The following PLXNA4 variants were observed in gnomAD, a reference collection of about 807,000 sequenced individuals.
PLXNA4 encodes the protein plexin A4.
In PLXNA4, 44 loss-of-function variants were observed where a neutral mutation model predicts 191.8. The ratio of observed to expected loss-of-function variants is 0.23; its 90% CI spans 0.18 to 0.29. The LOEUF (loss-of-function observed/expected upper bound fraction) is 0.29. Among genes scored for constraint, PLXNA4 ranks in the 10% least tolerant of loss-of-function variants. The pLI, the probability that PLXNA4 is intolerant of heterozygous loss-of-function variation, is 1.00. For missense variants in PLXNA4, 1,800 were observed against 2,488.8 expected (o/e 0.72, Z 5.89); for synonymous variants, 1,082 against 1,009.5 (o/e 1.07, Z -1.36).
chr7:132,454,751 C>A (rs1303733131), intron 3 of PLXNA4, among the ~76,000 whole-genome samples: 1 of 151,742 alleles, frequency 6.6e-6, no homozygotes, highest in East Asian at 2.0e-4. Context: ...GAGGAAAGGC[C>A]ATGTGAAGAC....
intron 3 of PLXNA4, among the ~76,000 whole-genome samples, chr7:132,374,417 C>T (rs571280009): frequency 6.6e-6 from 1 of 152,282 alleles, no homozygotes; most frequent in East Asian, 1.9e-4. Flanking sequence ...GGCTCCTTCA[C>T]AAAACAAGCA....
intron 16 of PLXNA4, among the ~76,000 whole-genome samples, chr7:132,183,668 C>A (rs893599376): frequency 7.9e-5 from 12 of 152,204 alleles, no homozygotes; most frequent in East Asian, 1.9e-4. Flanking sequence ...CTTCCTGGGG[C>A]CAAATCCTGG....
At chr7:132,539,010 A>C (rs2116489102) in intron 1 of PLXNA4, among the ~76,000 whole-genome samples, 1 of 152,292 alleles carries the variant, frequency 6.6e-6, no homozygotes, top group Non-Finnish European at 1.5e-5. Context: ...CACATCTTCT[A>C]TGACTTTTTA....
At chr7:132,268,809 A>C (rs994032135) in intron 4 of PLXNA4, among the ~76,000 whole-genome samples, 1 of 152,168 alleles carries the variant, frequency 6.6e-6, no homozygotes, top group African/African-American at 2.4e-5. Flanking sequence ...TGGCATGTCA[A>C]CTGCTGGCCT....
chr7:132,563,203 C>T lies in PLXNA4; in HGVS notation c.-87+13219G>A, dbSNP rs1279508369. ...CTTCTCCTTCCTCCTCCTCCTCTTC[C>T]TCCTCCTCCTCCTCCTTCTCCTCCT... On this transcript the variant is annotated intron_variant, in intron 1 of 31. Coordinates refer to ENST00000321063, the MANE Select transcript of PLXNA4 (RefSeq NM_020911.2). Among the ~76,000 whole-genome samples, 3 of 93,460 alleles carry T rather than the reference C, an allele frequency of 3.2e-5. 1 individual carries two copies. The highest frequency in any genetic ancestry group is 7.3e-4 in the East Asian group (2 of 2,722). The allele number at this position is 93,460 out of a possible 152,430, so 61.3% of individuals were successfully genotyped here. A position where few individuals can be genotyped will look rare whatever the true frequency, so the allele number is the denominator to read the frequency against.
At chr7:132,306,264 G>A (rs1801518704) in intron 3 of PLXNA4, among the ~76,000 whole-genome samples, 1 of 152,198 alleles carries the variant, frequency 6.6e-6, no homozygotes. Flanking sequence ...GTTTGCAAAA[G>A]GGAGACTTCA....
chr7:132,382,626 T>TA (rs1804942618), intron 3 of PLXNA4, among the ~76,000 whole-genome samples: 1 of 152,212 alleles, frequency 6.6e-6, no homozygotes, highest in Non-Finnish European at 1.5e-5. Context: ...ATCAGCTCGT[T>TA]AATAACAGAG....
chr7:132,521,177 T>TAAAAAAAAAAAAAAAAAAAAAAAAAAAAA, intron 1 of PLXNA4, among the ~76,000 whole-genome samples: 1 of 115,660 alleles, frequency 8.6e-6, no homozygotes, highest in Non-Finnish European at 1.8e-5. Flanking sequence ...ATTTGCTCCT[T>TAAAAAAAAAAAAAAAAAAAAAAAAAAAAA]GAAAAAAAAA....
chr7:132,176,710 G>A (rs906635192), intron 20 of PLXNA4, among the ~76,000 whole-genome samples: 2 of 150,998 alleles, frequency 1.3e-5, no homozygotes, highest in Non-Finnish European at 2.9e-5. Flanking sequence ...GGATGTGAAT[G>A]AATGTATGTC....
At chr7:132,469,538 A>G (rs1411703498) in intron 3 of PLXNA4, among the ~76,000 whole-genome samples, 2 of 152,188 alleles carry the variant, frequency 1.3e-5, no homozygotes, top group African/African-American at 4.8e-5. Flanking sequence ...TTGAAGACTG[A>G]CTTTCAATAA....
At chr7:132,310,595 G>A (rs1801690139) in intron 3 of PLXNA4, among the ~76,000 whole-genome samples, 1 of 152,316 alleles carries the variant, frequency 6.6e-6, no homozygotes, top group Non-Finnish European at 1.5e-5. Flanking sequence ...ACCCGCAGCA[G>A]CCAGCCCTAT....
intron 4 of PLXNA4, among the ~76,000 whole-genome samples, chr7:132,249,446 C>T (rs569544496): frequency 3.9e-5 from 6 of 152,300 alleles, no homozygotes; most frequent in African/African-American, 1.4e-4. Context: ...CATTAGCAAA[C>T]GGCAGTAGCT....
chr7:132,375,614 AC>A (rs1226671398), intron 3 of PLXNA4, among the ~76,000 whole-genome samples: 1 of 152,162 alleles, frequency 6.6e-6, no homozygotes, highest in Non-Finnish European at 1.5e-5. Context: ...ATGCTAGAGG[AC>A]CCAGTAGCAG....
chr7:132,643,312 T>A (rs897444168), intron 2 of PLXNA4, among the ~76,000 whole-genome samples: 2 of 152,086 alleles, frequency 1.3e-5, no homozygotes, highest in African/African-American at 4.8e-5. Context: ...AGGGCAGGAA[T>A]CTTCAAGTGC....
chr7:132,556,586 C>A (rs950183647), intron 1 of PLXNA4, among the ~76,000 whole-genome samples: 4 of 152,248 alleles, frequency 2.6e-5, no homozygotes, highest in Non-Finnish European at 4.4e-5. Flanking sequence ...GGTTGCAGTG[C>A]CAGACCTGTC....
chr7:132,583,612 G>A (rs535904315), intron 2 of PLXNA4, among the ~76,000 whole-genome samples: 4 of 152,304 alleles, frequency 2.6e-5, no homozygotes, highest in African/African-American at 9.6e-5. Flanking sequence ...AGAAAGAGCC[G>A]CAGACAGTTG....
chr7:132,314,480 T>C (rs1366961253), intron 3 of PLXNA4, among the ~76,000 whole-genome samples: 2 of 152,198 alleles, frequency 1.3e-5, no homozygotes, highest in Non-Finnish European at 2.9e-5. Flanking sequence ...GGGTGCTGGT[T>C]CCCTTCTGCT....
chr7:132,592,395 A>G (rs990997222), intron 2 of PLXNA4, among the ~76,000 whole-genome samples: 2 of 152,182 alleles, frequency 1.3e-5, no homozygotes, highest in Non-Finnish European at 2.9e-5. Flanking sequence ...ACACCCGATC[A>G]AAATCACTCT....
At chr7:132,342,960 A>AAAG (rs1405637698) in intron 3 of PLXNA4, among the ~76,000 whole-genome samples, 1 of 151,252 alleles carries the variant, frequency 6.6e-6, no homozygotes, top group Non-Finnish European at 1.5e-5. Flanking sequence ...AAAAAAAAAA[A>AAAG]AGAAAAAAAA....
Sources: gnomAD v4.1 joint callset for allele counts (sites outside exome capture counted in the v4.1 genomes callset) on GRCh38, gnomAD v4.1.1 for gene constraint, MANE v1.5 for transcripts, NCBI Gene and HGNC (gene_info 2026-07-23, HGNC 2026-07-21) for gene names.